Variants in SLITRK3 observed in about 807,000 individuals in gnomAD.
SLITRK3 encodes SLIT and NTRK-like protein 3.
Under a neutral mutation model 63.6 loss-of-function variants are expected in SLITRK3, and 16 were observed. The ratio of observed to expected loss-of-function variants is 0.25; its 90% CI spans 0.17 to 0.38. The LOEUF (loss-of-function observed/expected upper bound fraction) is 0.38. SLITRK3 is among the 10% of genes least tolerant of loss of function. The pLI is 1.00. For missense variants in SLITRK3, 1,117 were observed against 1,181.4 expected, an observed-to-expected ratio of 0.95 and a Z score of 0.80; for synonymous variants, 547 against 451.6, an observed-to-expected ratio of 1.21 and a Z score of -2.68.
chr3:165,187,730 A>T lies in SLITRK3; in HGVS notation c.*167T>A, dbSNP rs1003582489. 9.0e-6 allele frequency: 5 copies of T among 553,020 alleles called. No individual in the cohort carries two copies. Among genetic ancestry groups the T allele is most frequent in the Non-Finnish European group, 1.6e-5 (5 of 316,314 alleles). 34.3% of individuals were successfully genotyped at this position (553,020 alleles called of 1,614,324 possible). ...CAAATCGCATCTGAGAGGGGAGAGC[A>T]TACATCTGTATTCTCTAGTTATCAT... is the stretch of plus-strand genomic sequence containing the variant. On this transcript the variant is annotated 3_prime_UTR_variant, in exon 2 of 2. Coordinates refer to ENST00000475390, the MANE Select transcript of SLITRK3 (RefSeq NM_001318810.2).
At chr3:165,191,785 T>A (rs1718236186) in intron 1 of SLITRK3, among the ~76,000 whole-genome samples, 1 of 152,182 alleles carries the variant, frequency 6.6e-6, no homozygotes, top group Admixed American at 6.5e-5. Context: ...GAAGAGCAGG[T>A]GGCTGGTTAG....
chr3:165,196,897 G>GTCTCTCTCTGTCTCTCTCTCTCTC (rs1718450783), upstream of SLITRK3: 27 of 96,522 alleles, frequency 2.8e-4, no homozygotes, highest in African/African-American at 9.8e-4. Flanking sequence ...CTCTCTCTCT[G>GTCTCTCTCTGTCTCTCTCTCTCTC]TCTCTCTCTC....
intron 1 of SLITRK3, among the ~76,000 whole-genome samples, chr3:165,194,178 G>T (rs914898851): frequency 4.6e-5 from 7 of 152,090 alleles, no homozygotes; most frequent in Non-Finnish European, 8.8e-5. Flanking sequence ...GGGACTTTTT[G>T]GTTGCTAAAG....
In SLITRK3 at chr3:165,188,837, A is replaced by G; in HGVS notation, c.1994T>C (p.Phe665Ser). Residue 665 changes from phenylalanine to serine, a missense_variant, in exon 2 of 2, where the codon TTC becomes TCC. By Grantham distance (155) the Phe-to-Ser change is radical (BLOSUM62 -2). Coordinates refer to ENST00000475390, the MANE Select transcript of SLITRK3 (RefSeq NM_001318810.2). Reference sequence around the variant, plus strand: ...GCCTGCAGCAACAAAGACTGCTGAGAAAAACAGAACCAGCAGGCTGAGAAT... The same window carrying G: ...GCCTGCAGCAACAAAGACTGCTGAGGAAAACAGAACCAGCAGGCTGAGAAT... ...VLILSLLVLF[F>S]SAVFVAAGLF... is the part of the protein sequence containing the mutation. 6.2e-7 allele frequency: 1 copy of G among 1,614,182 alleles called. No individual in the cohort carries two copies. Among genetic ancestry groups the G allele is most frequent in the South Asian group, 1.1e-5 (1 of 91,080 alleles).
rs1425992620 is a variant in SLITRK3, at chr3:165,187,874, A to G, written c.*23T>C. Reference sequence around the variant, plus strand: ...CCTTTTCTTTTGAAAAAAAAAAAGCACTAATATATTTTCTTCTCTCTGTTA... The same window carrying G: ...CCTTTTCTTTTGAAAAAAAAAAAGCGCTAATATATTTTCTTCTCTCTGTTA... On this transcript the variant is annotated 3_prime_UTR_variant, in exon 2 of 2. Transcript: ENST00000475390. 1 of 1,518,706 alleles carries G rather than the reference A, an allele frequency of 6.6e-7. No individual in the cohort carries two copies. Among genetic ancestry groups the G allele is most frequent in the East Asian group, 2.3e-5 (1 of 44,248 alleles). 94.1% of individuals were successfully genotyped at this position (1,518,706 alleles called of 1,614,324 possible). A position where few individuals can be genotyped will look rare whatever the true frequency, so the allele number is the denominator to read the frequency against.
In SLITRK3 at chr3:165,188,510, C is replaced by A; in HGVS notation, c.2321G>T (p.Ser774Ile). Residue 774 changes from serine (S) to isoleucine (I), a missense_variant, in exon 2 of 2, where the codon AGT becomes ATT. Around this residue, in one of 4 missense-constraint regions of SLITRK3, gnomAD observed 499 missense variants for 463.6 expected, o/e 1.08. Transcript: ENST00000475390. Reference sequence around the variant, plus strand: ...TGTCCCTGGACCCCCACGTTCTGCACTCCCTGCTTCTTGGGCTGATGAAAC... The same window carrying A: ...TGTCCCTGGACCCCCACGTTCTGCAATCCCTGCTTCTTGGGCTGATGAAAC... ...VAVSSAQEAG[S>I]AERGGPGTQP... The A allele has an allele frequency of 6.2e-7, 1 of 1,614,090 alleles. No homozygotes were observed. The highest frequency in any genetic ancestry group is 1.1e-5 in the South Asian group (1 of 91,058).
intron 1 of SLITRK3, among the ~76,000 whole-genome samples, chr3:165,191,952 C>G (rs1008941845): frequency 6.6e-6 from 1 of 152,204 alleles, no homozygotes; most frequent in African/African-American, 2.4e-5. Context: ...CAGTCTTTCT[C>G]TATGCATCGT....
chr3:165,195,314 G>A (rs1341640418), intron 1 of SLITRK3, among the ~76,000 whole-genome samples: 1 of 151,984 alleles, frequency 6.6e-6, no homozygotes, highest in Non-Finnish European at 1.5e-5. Context: ...GGGGTCCTTC[G>A]CTCCGCCACC....
rs773114965 is a variant in SLITRK3 at position 165,189,067 on chromosome 3, A to G, written c.1764T>C (p.Asp588=). The change falls in exon 2 of 2, where the codon GAT becomes GAC. Residue 588 remains aspartate (D), a synonymous_variant. Coordinates refer to ENST00000475390, the MANE Select transcript of SLITRK3 (RefSeq NM_001318810.2). The surrounding 1 kb of genome is among the most constrained non-coding windows in gnomAD (Gnocchi z 4.0). ...GGTTCTCAGGGCTCCTGCAAAGCAC[A>G]TCACCAACCACACTGACTGAGCTGA... ...ETISSVSVVG[D]VLCRSPENLT... The G allele has an allele frequency of 1.9e-6, 3 of 1,614,196 alleles. No individual in the cohort carries two copies. The highest frequency in any genetic ancestry group is 2.2e-5 in the East Asian group (1 of 44,880).
chr3:165,188,513 C>T lies in SLITRK3; in HGVS notation c.2318G>A (p.Gly773Glu), dbSNP rs1440093285. The T allele has an allele frequency of 1.2e-6, 2 of 1,614,048 alleles. No individual in the cohort carries two copies. Among genetic ancestry groups the T allele is most frequent in the Admixed American group, 3.3e-5 (2 of 60,010 alleles). Residue 773 changes from glycine to glutamate, a missense_variant, in exon 2 of 2, where the codon GGG becomes GAG. Transcript: ENST00000475390. ...CCCTGGACCCCCACGTTCTGCACTC[C>T]CTGCTTCTTGGGCTGATGAAACAGC... ...EVAVSSAQEA[G>E]SAERGGPGTQ...
In SLITRK3 at chr3:165,188,722, C is replaced by G; in HGVS notation, c.2109G>C (p.Met703Ile). 6.2e-7 allele frequency: 1 copy of G among 1,614,150 alleles called. No individual in the cohort carries two copies. The highest frequency in any genetic ancestry group is 8.5e-7 in the Non-Finnish European group (1 of 1,180,042). ...QEGVDLTGIQ[M>I]QCHRLFEDGG... ...CATCCTCAAACAGCCTGTGGCATTGCATTTGGATGCCAGTAAGGTCCACAC... is the reference window on the plus strand; with the variant it reads ...CATCCTCAAACAGCCTGTGGCATTGGATTTGGATGCCAGTAAGGTCCACAC... The change falls in exon 2 of 2, where the codon ATG (methionine) becomes ATC (isoleucine). Residue 703 changes from methionine (M) to isoleucine (I), a missense_variant. This residue lies in a region of SLITRK3 where 499 missense variants were observed against 463.6 expected (regional missense o/e 1.08). Coordinates refer to ENST00000475390, the MANE Select transcript of SLITRK3 (RefSeq NM_001318810.2).
rs1239894967 is a variant in SLITRK3, at chr3:165,190,821, A to G, written c.10T>C (p.Ser4Pro). The G allele has an allele frequency of 1.3e-6, 2 of 1,580,306 alleles. No homozygotes were observed. The highest frequency in any genetic ancestry group is 1.2e-5 in the South Asian group (1 of 86,664). MKPSIAEMLHRGRM... is the reference protein window; with the variant it reads MKPPIAEMLHRGRM... Reference sequence around the variant, plus strand: ...CCTCTGTGAAGCATCTCAGCTATGGAAGGTTTCATCGTTCGTGGTTGATTA... The same window carrying G: ...CCTCTGTGAAGCATCTCAGCTATGGGAGGTTTCATCGTTCGTGGTTGATTA... The change falls in exon 2 of 2, where the codon TCC becomes CCC. Residue 4 changes from serine (S) to proline (P), a missense_variant. Transcript: ENST00000475390.
rs1718101398 is a variant in SLITRK3 at position 165,189,517 on chromosome 3, A to G, written c.1314T>C (p.His438=). ...CATAGGAAATACGATTGTTCCCCAG[A>G]TGCAAGAGATCCAAGGAAGAAAAAT... ...FWNFSSLDLL[H]LGNNRISYVQ... Residue 438 remains histidine (H), a synonymous_variant, in exon 2 of 2, where the codon CAT becomes CAC. Coordinates refer to ENST00000475390, the MANE Select transcript of SLITRK3 (RefSeq NM_001318810.2). The surrounding 1 kb of genome is among the most constrained non-coding windows in gnomAD (Gnocchi z 4.0). 6.2e-7 allele frequency: 1 copy of G among 1,613,976 alleles called. No homozygotes were observed. The highest frequency in any genetic ancestry group is 8.5e-7 in the Non-Finnish European group (1 of 1,180,038).
chr3:165,188,364 A>C lies in SLITRK3; in HGVS notation c.2467T>G (p.Ser823Ala), dbSNP rs1718043583. The change falls in exon 2 of 2, where the codon TCC (serine) becomes GCC (alanine). Residue 823 changes from serine (S) to alanine (A), a missense_variant. Around this residue, in one of 4 missense-constraint regions of SLITRK3, gnomAD observed 499 missense variants for 463.6 expected, o/e 1.08. Coordinates refer to ENST00000475390, the MANE Select transcript of SLITRK3 (RefSeq NM_001318810.2). Reference protein sequence around the residue: ...EKEKEWALAVSSSQLNTIVTV... With the variant: ...EKEKEWALAVASSQLNTIVTV... ...ACTATGGTGTTAAGCTGGGAGCTGGACACTGCTAGGGCCCACTCCTTCTCT... is the reference window on the plus strand; with the variant it reads ...ACTATGGTGTTAAGCTGGGAGCTGGCCACTGCTAGGGCCCACTCCTTCTCT... 4 of 1,613,946 alleles carry C rather than the reference A, an allele frequency of 2.5e-6. No individual in the cohort carries two copies. Among genetic ancestry groups the C allele is most frequent in the Admixed American group, 1.7e-5 (1 of 60,000 alleles).
In SLITRK3 at chr3:165,188,807, A is replaced by G; in HGVS notation, c.2024T>C (p.Phe675Ser). 6.2e-7 allele frequency: 1 copy of G among 1,614,150 alleles called. No individual in the cohort carries two copies. The highest frequency in any genetic ancestry group is 8.5e-7 in the Non-Finnish European group (1 of 1,180,028). Residue 675 changes from phenylalanine (F) to serine (S), a missense_variant, in exon 2 of 2, where the codon TTT (phenylalanine) becomes TCT (serine). Around this residue, in one of 4 missense-constraint regions of SLITRK3, gnomAD observed 499 missense variants for 463.6 expected, o/e 1.08. Coordinates refer to ENST00000475390, the MANE Select transcript of SLITRK3 (RefSeq NM_001318810.2). ...TCGACGCCTTCGGAGCACGTAGGCA[A>G]AGAGGCCTGCAGCAACAAAGACTGC... is the stretch of plus-strand genomic sequence containing the variant. Reference protein sequence around the residue: ...FSAVFVAAGLFAYVLRRRRKK... With the variant: ...FSAVFVAAGLSAYVLRRRRKK...
At chr3:165,192,220 T>C (rs1446331774) in intron 1 of SLITRK3, among the ~76,000 whole-genome samples, 1 of 152,132 alleles carries the variant, frequency 6.6e-6, no homozygotes, top group Admixed American at 6.5e-5. Flanking sequence ...ATCTTCACAT[T>C]ACACTCGCCT....
In SLITRK3 at chr3:165,189,959, G is replaced by C; in HGVS notation, c.872C>G (p.Ala291Gly). ...TGACGAATGTGGAATTCCCAAACTAGCCTCTACCTCAGAGTCAGACAACAA... is the reference window on the plus strand; with the variant it reads ...TGACGAATGTGGAATTCCCAAACTACCCTCTACCTCAGAGTCAGACAACAA... ...CPLLSDSEVEASLGIPHSSSS... is the reference protein window; with the variant it reads ...CPLLSDSEVEGSLGIPHSSSS... Residue 291 changes from alanine (A) to glycine (G), a missense_variant, in exon 2 of 2, where the codon GCT (alanine) becomes GGT (glycine). Physicochemically the swap from Ala to Gly is moderately conservative, Grantham distance 60 (BLOSUM62 0). Coordinates refer to ENST00000475390, the MANE Select transcript of SLITRK3 (RefSeq NM_001318810.2). This position sits in a 1 kb window ranked among gnomAD's most constrained non-coding sequence, Gnocchi z 4.0. The C allele has an allele frequency of 1.9e-6, 3 of 1,614,098 alleles. No homozygotes were observed. Among genetic ancestry groups the C allele is most frequent in the Non-Finnish European group, 1.7e-6 (2 of 1,180,032 alleles).
At position 165,189,670 on chromosome 3, in the gene SLITRK3, G is replaced by T; in HGVS notation, c.1161C>A (p.Gly387=). 1 of 1,614,198 alleles carries T rather than the reference G, an allele frequency of 6.2e-7. No individual in the cohort carries two copies. Among genetic ancestry groups the T allele is most frequent in the Non-Finnish European group, 8.5e-7 (1 of 1,180,034 alleles). Residue 387 remains glycine, a synonymous_variant, in exon 2 of 2, where the codon GGC becomes GGA. Transcript: ENST00000475390. This position sits in a 1 kb window ranked among gnomAD's most constrained non-coding sequence, Gnocchi z 4.0. ...CTCNLHINDL[G]LTVNCKERGF... ...CTCGCTCTTTGCAGTTGACAGTCAA[G>T]CCAAGGTCATTGATGTGCAAATTAC...
chr3:165,193,052 C>T (rs917551807), intron 1 of SLITRK3, among the ~76,000 whole-genome samples: 1 of 152,034 alleles, frequency 6.6e-6, no homozygotes, highest in Non-Finnish European at 1.5e-5. Flanking sequence ...AGGGAACGCG[C>T]TTAGCATGGG....
Sources: allele counts gnomAD v4.1 joint callset (sites outside exome capture counted in the v4.1 genomes callset), GRCh38; gene constraint gnomAD v4.1.1; regional missense constraint gnomAD v4.1.1; non-coding constraint Gnocchi (gnomAD v3.1); transcripts MANE v1.5; gene names NCBI Gene and HGNC (gene_info 2026-07-23, HGNC 2026-07-21).